The following WWOX variants were observed in gnomAD, a reference collection of about 807,000 sequenced individuals.
WWOX encodes WW domain-containing oxidoreductase.
WWOX carries 69 observed loss-of-function variants against 46.2 expected under a neutral mutation model. That is an observed-to-expected ratio of 1.49 (90% confidence interval 1.23 to 1.82). WWOX has a LOEUF of 1.82. WWOX is among the 40% of genes most tolerant of loss of function. WWOX has a pLI of 0.00. For missense variants in WWOX, 919 were observed against 542.6 expected (o/e 1.69, Z -6.89); for synonymous variants, 359 against 202.6 (o/e 1.77, Z -6.56).
chr16:79,089,622 G>A (rs1400336445), intron 8 of WWOX, among the ~76,000 whole-genome samples: 2 of 152,100 alleles, frequency 1.3e-5, no homozygotes, highest in East Asian at 1.9e-4. Context: ...GAGCCACCAC[G>A]CCCTGCTAAG....
intron 6 of WWOX, among the ~76,000 whole-genome samples, chr16:78,400,974 C>T (rs762654012): frequency 3.3e-5 from 5 of 152,148 alleles, no homozygotes; most frequent in African/African-American, 1.2e-4. Flanking sequence ...ATGCCTGCAC[C>T]ATCATGCCTG....
intron 8 of WWOX, among the ~76,000 whole-genome samples, chr16:79,086,124 A>G (rs1452053232): frequency 1.3e-5 from 2 of 152,060 alleles, no homozygotes; most frequent in East Asian, 3.9e-4. Context: ...AACAGTCAAT[A>G]TTGTGGCTGC....
Position 79,064,131 on chromosome 16 carries a change from TAGAG to T in WWOX, c.1057-147474_1057-147471del, listed in dbSNP as rs763481916. On this transcript the variant is annotated intron_variant, in intron 8 of 8. Coordinates refer to ENST00000566780, the MANE Select transcript of WWOX (RefSeq NM_016373.4). The stretch of plus-strand genomic sequence containing the variant: ...TGATCTTTATAAATCCTCTAGCTGA[TAGAG>T]AGTTTTCTTCCATCACAGGCAAAAT... Among the ~76,000 whole-genome samples the T allele has an allele frequency of 1.9e-4, 29 of 152,340 alleles. 1 individual carries two copies. The highest frequency in any genetic ancestry group is 5.8e-4 in the African/African-American group (24 of 41,584).
chr16:78,463,110 T>C (rs996623133), intron 8 of WWOX, among the ~76,000 whole-genome samples: 1 of 152,200 alleles, frequency 6.6e-6, no homozygotes, highest in African/African-American at 2.4e-5. Context: ...CGTATCCCAC[T>C]GCAATTCTGT....
intron 8 of WWOX, among the ~76,000 whole-genome samples, chr16:78,957,747 C>G (rs1032021072): frequency 6.6e-6 from 1 of 152,186 alleles, no homozygotes; most frequent in Non-Finnish European, 1.5e-5. Context: ...TTGGCAAACA[C>G]CATAGGAACG....
intron 8 of WWOX, among the ~76,000 whole-genome samples, chr16:78,452,340 G>A (rs2083710525): frequency 6.6e-6 from 1 of 152,052 alleles, no homozygotes; most frequent in South Asian, 2.1e-4. Context: ...GCTAGTTACT[G>A]ATTGCTATCA....
intron 8 of WWOX, among the ~76,000 whole-genome samples, chr16:78,793,744 G>T (rs530094736): frequency 3.9e-5 from 6 of 152,136 alleles, no homozygotes; most frequent in Admixed American, 3.9e-4. Context: ...GATAAACATT[G>T]CCTAGAAGGG....
intron 8 of WWOX, among the ~76,000 whole-genome samples, chr16:78,662,473 C>T (rs2047238001): frequency 6.6e-6 from 1 of 152,042 alleles, no homozygotes; most frequent in Non-Finnish European, 1.5e-5. Flanking sequence ...TCAAGAAAAC[C>T]TCACTGAGCA....
At chr16:78,689,349 C>T (rs1366996309) in intron 8 of WWOX, among the ~76,000 whole-genome samples, 6 of 152,220 alleles carry the variant, frequency 3.9e-5, no homozygotes, top group Non-Finnish European at 8.8e-5. Context: ...ACACCCCAGA[C>T]ATCATATCTC....
intron 8 of WWOX, among the ~76,000 whole-genome samples, chr16:79,123,783 C>G (rs1372928670): frequency 6.6e-6 from 1 of 152,128 alleles, no homozygotes; most frequent in Non-Finnish European, 1.5e-5. Context: ...TTATGTCAAC[C>G]TGATTTCTTG....
At chr16:78,338,618 G>T (rs2080946053) in intron 5 of WWOX, among the ~76,000 whole-genome samples, 1 of 120,910 alleles carries the variant, frequency 8.3e-6, no homozygotes, top group South Asian at 2.5e-4. Context: ...CGGAGTTAGA[G>T]ATAGGAAAAT....
chr16:78,589,995 C>G (rs1348620381), intron 8 of WWOX, among the ~76,000 whole-genome samples: 1 of 152,080 alleles, frequency 6.6e-6, no homozygotes, highest in East Asian at 1.9e-4. Flanking sequence ...TATGGTCACT[C>G]AACAAATTTT....
intron 8 of WWOX, among the ~76,000 whole-genome samples, chr16:78,597,760 G>GTATATA (rs66672636): frequency 9.0e-5 from 13 of 144,854 alleles, no homozygotes; most frequent in African/African-American, 3.4e-4. Flanking sequence ...ATTTATATGT[G>GTATATA]TATATATATA....
chr16:78,490,815 G>A (rs1013375895), intron 8 of WWOX, among the ~76,000 whole-genome samples: 3 of 152,128 alleles, frequency 2.0e-5, no homozygotes. Flanking sequence ...AGAGCAGTCC[G>A]TTACTTAGAC....
chr16:79,185,461 T>C (rs934224681), intron 8 of WWOX, among the ~76,000 whole-genome samples: 1 of 151,478 alleles, frequency 6.6e-6, no homozygotes, highest in South Asian at 2.1e-4. Context: ...ACAATTACTT[T>C]TGGACATATT....
chr16:78,534,012 G>T (rs535827994), intron 8 of WWOX, among the ~76,000 whole-genome samples: 1 of 152,156 alleles, frequency 6.6e-6, no homozygotes. Flanking sequence ...GAGGATGAAT[G>T]AGTGATGGGT....
intron 7 of WWOX, 51 bp downstream of exon 7, chr16:78,425,106 A>G (rs1182420395): frequency 8.1e-6 from 13 of 1,605,024 alleles, no homozygotes; most frequent in Non-Finnish European, 1.1e-5. Context: ...CATACCAGCT[A>G]ATATTCCCCC....
intron 8 of WWOX, among the ~76,000 whole-genome samples, chr16:78,665,158 G>T (rs1435374550): frequency 1.3e-5 from 2 of 152,100 alleles, no homozygotes; most frequent in Non-Finnish European, 2.9e-5. Context: ...GGTGGTCCGG[G>T]TTCCTGGAGT....
intron 8 of WWOX, among the ~76,000 whole-genome samples, chr16:78,628,212 T>C (rs1053912907): frequency 2.0e-5 from 3 of 152,186 alleles, no homozygotes; most frequent in African/African-American, 4.8e-5. Context: ...GATGCTACCT[T>C]GAGTGGACGG....
Sources: allele counts gnomAD v4.1 joint callset (sites outside exome capture counted in the v4.1 genomes callset), GRCh38; gene constraint gnomAD v4.1.1; transcripts MANE v1.5; gene names NCBI Gene and HGNC (gene_info 2026-07-23, HGNC 2026-07-21).